Variants in UBE2D3 observed in about 807,000 individuals in gnomAD.
The protein encoded by UBE2D3 is ubiquitin conjugating enzyme E2 D3, also known as ubiquitin-conjugating enzyme E2 D3.
UBE2D3 carries 2 observed loss-of-function variants against 22.8 expected under a neutral mutation model. The observed-to-expected ratio is 0.09, with a 90% CI of 0.04 to 0.28. The LOEUF (loss-of-function observed/expected upper bound fraction) is 0.28. Among genes scored for constraint, UBE2D3 ranks in the 10% least tolerant of loss-of-function variants. The pLI is 1.00. For synonymous variants in UBE2D3, 56 were observed against 60.4 expected, an observed-to-expected ratio of 0.93 and a Z score of 0.34; for missense variants, 27 against 182.5, an observed-to-expected ratio of 0.15 and a Z score of 4.91.
chr4:102,863,678 G>C (rs1733008549), intron 1 of UBE2D3, among the ~76,000 whole-genome samples: 2 of 152,056 alleles, frequency 1.3e-5, no homozygotes, highest in Admixed American at 6.6e-5. Context: ...ATTTTTAGTA[G>C]AGATGGGGTT....
At chr4:102,813,398 T>C (rs180831891) in intron 2 of UBE2D3, among the ~76,000 whole-genome samples, 13 of 152,308 alleles carry the variant, frequency 8.5e-5, no homozygotes, top group Admixed American at 8.5e-4. Flanking sequence ...AATTAAACAA[T>C]GAATTTTGTT....
chr4:102,804,619 A>T (rs1459502613), intron 4 of UBE2D3, among the ~76,000 whole-genome samples: 4 of 152,172 alleles, frequency 2.6e-5, no homozygotes. Context: ...ATACTATACA[A>T]GATATGTTTT....
upstream of UBE2D3, among the ~76,000 whole-genome samples, chr4:102,831,876 C>T (rs1396504552): frequency 6.6e-6 from 1 of 152,132 alleles, no homozygotes; most frequent in African/African-American, 2.4e-5. Context: ...AGGTTTAGGA[C>T]AAAGAATGTT....
chr4:102,819,702 A>C (rs1359141798), intron 2 of UBE2D3: 2 of 520,978 alleles, frequency 3.8e-6, no homozygotes, highest in Non-Finnish European at 4.9e-6. Context: ...TAAAATTATC[A>C]CCACGATGTT....
At chr4:102,825,389 T>C (rs1263866137) in intron 2 of UBE2D3, 4 of 1,026,664 alleles carry the variant, frequency 3.9e-6, no homozygotes, top group South Asian at 6.4e-5. Context: ...GTTTAAGAGT[T>C]TGAATTTAGG....
chr4:102,811,844 C>T (rs1405898037), intron 2 of UBE2D3: 6 of 409,184 alleles, frequency 1.5e-5, no homozygotes, highest in South Asian at 1.1e-4. Context: ...TAGTGAGACC[C>T]CATTCTCCAT....
rs76735403 is a variant in UBE2D3, at chr4:102,802,802, A to G, written c.121-164T>C. On this transcript the variant is annotated intron_variant, in intron 4 of 7. Transcript: ENST00000453744. ...ATTCAGTCTATAGTAATAGAAAAAA[A>G]CTTAAAACTTATACAGTAATAAACC... 7.4e-3 allele frequency: 3,310 copies of G among 445,964 alleles called. 77 individuals are homozygous for G. Among genetic ancestry groups the G allele is most frequent in the African/African-American group, 0.053 (2,645 of 49,614 alleles). The allele number at this position is 445,964 out of a possible 1,614,324, so 27.6% of individuals were successfully genotyped here.
At chr4:102,799,040 A>C in intron 7 of UBE2D3, 1 of 1,487,346 alleles carries the variant, frequency 6.7e-7, no homozygotes, top group South Asian at 1.2e-5. Flanking sequence ...GTTAAGTTGA[A>C]CATAAATATA....
intron 2 of UBE2D3, among the ~76,000 whole-genome samples, chr4:102,823,170 T>C (rs1729902902): frequency 1.3e-5 from 2 of 152,252 alleles, no homozygotes; most frequent in Non-Finnish European, 2.9e-5. Flanking sequence ...GATAATACTA[T>C]ATGCAAAAGT....
At chr4:102,844,336 C>T (rs1325121229) in intron 1 of UBE2D3, among the ~76,000 whole-genome samples, 1 of 152,144 alleles carries the variant, frequency 6.6e-6, no homozygotes, top group East Asian at 1.9e-4. Flanking sequence ...CCTTGGTCCC[C>T]CTAAGTGCTG....
chr4:102,816,034 G>A (rs1728739104), intron 2 of UBE2D3, among the ~76,000 whole-genome samples: 1 of 152,138 alleles, frequency 6.6e-6, no homozygotes, highest in Admixed American at 6.6e-5. Context: ...CACAGAATGA[G>A]CAAGACAGTA....
chr4:102,828,818 T>C (rs992247202), upstream of UBE2D3, among the ~76,000 whole-genome samples: 1 of 152,214 alleles, frequency 6.6e-6, no homozygotes, highest in African/African-American at 2.4e-5. Flanking sequence ...ACGGCAGTTA[T>C]GCTCTCTAGT....
intron 2 of UBE2D3, 30 bp downstream of exon 2, chr4:102,826,455 C>T: frequency 6.2e-7 from 1 of 1,613,730 alleles, no homozygotes; most frequent in East Asian, 2.2e-5. Flanking sequence ...TTTTCTCCTA[C>T]CACCCCATGC....
At chr4:102,835,437 T>C (rs917746660) in intron 1 of UBE2D3, among the ~76,000 whole-genome samples, 1 of 152,204 alleles carries the variant, frequency 6.6e-6, no homozygotes, top group African/African-American at 2.4e-5. Flanking sequence ...CCCTCATGGA[T>C]ACTGGAGGAT....
chr4:102,850,559 G>C (rs1399566861), intron 1 of UBE2D3, among the ~76,000 whole-genome samples: 2 of 152,124 alleles, frequency 1.3e-5, no homozygotes, highest in Non-Finnish European at 2.9e-5. Flanking sequence ...AGTGGAAATA[G>C]TATAGGCTAA....
chr4:102,825,513 CCAGTTA>C, intron 2 of UBE2D3: 2 of 1,168,984 alleles, frequency 1.7e-6, no homozygotes, highest in Non-Finnish European at 2.1e-6. Context: ...AGAGCCTGAA[CCAGTTA>C]AAGCAGCCGC....
chr4:102,814,454 ATTCTT>A (rs1728510212), intron 2 of UBE2D3, among the ~76,000 whole-genome samples: 1 of 107,078 alleles, frequency 9.3e-6, no homozygotes, highest in South Asian at 2.9e-4. Context: ...ACACCTGGCT[ATTCTT>A]TTTTTTTTTT....
At chr4:102,852,220 A>G (rs1025932468) in intron 1 of UBE2D3, among the ~76,000 whole-genome samples, 1 of 152,214 alleles carries the variant, frequency 6.6e-6, no homozygotes, top group Non-Finnish European at 1.5e-5. Context: ...TCACATATTG[A>G]GTAGATCAGA....
In UBE2D3 at chr4:102,796,024, T is replaced by C. The variant is rs563362116; in HGVS notation, c.*1391A>G. The C allele has an allele frequency of 1.1e-4, 17 of 152,592 alleles. No individual in the cohort carries two copies. Among genetic ancestry groups the C allele is most frequent in the African/African-American group, 4.1e-4 (17 of 41,558 alleles). The allele number at this position is 152,592 out of a possible 1,614,324, so 9.5% of individuals were successfully genotyped here. ...ATTCATGTTAAGTCACCTGAAATGA[T>C]ATCTGTTGCATTTAAATGCTCATTA... is the stretch of plus-strand genomic sequence containing the variant. On this transcript the variant is annotated 3_prime_UTR_variant, in exon 8 of 8. Transcript: ENST00000453744.
Sources: gnomAD v4.1 joint callset for allele counts (sites outside exome capture counted in the v4.1 genomes callset) on GRCh38, gnomAD v4.1.1 for gene constraint, MANE v1.5 for transcripts, NCBI Gene and HGNC (gene_info 2026-07-23, HGNC 2026-07-21) for gene names.